DPP10: variants seen among roughly 807,000 people sequenced by gnomAD.
The protein encoded by DPP10 is inactive dipeptidyl peptidase 10.
DPP10 carries 33 observed loss-of-function variants against 120.9 expected under a neutral mutation model. That is an observed-to-expected ratio of 0.27 (90% CI 0.21 to 0.37). The LOEUF is 0.37. Among genes scored for constraint, DPP10 ranks in the 10% least tolerant of loss-of-function variants. DPP10 has a pLI of 1.00. For missense variants in DPP10, 816 were observed against 942.8 expected (o/e 0.87, Z 1.76); for synonymous variants, 337 against 326.1 (o/e 1.03, Z -0.36).
At chr2:114,755,356 C>T (rs1679629555) in intron 1 of DPP10, among the ~76,000 whole-genome samples, 1 of 152,152 alleles carries the variant, frequency 6.6e-6, no homozygotes, top group Non-Finnish European at 1.5e-5. Context: ...TGCAATGGCA[C>T]AATCATGGCT....
At chr2:115,830,887 T>C (rs1688849131) in intron 21 of DPP10, among the ~76,000 whole-genome samples, 1 of 152,106 alleles carries the variant, frequency 6.6e-6, no homozygotes, top group Admixed American at 6.5e-5. Flanking sequence ...GGGAGGTAAT[T>C]ATTTGTTATG....
intron 19 of DPP10, among the ~76,000 whole-genome samples, chr2:115,793,518 C>A (rs1316094884): frequency 6.6e-6 from 1 of 151,632 alleles, no homozygotes; most frequent in Non-Finnish European, 1.5e-5. Flanking sequence ...TGCTTTTCTG[C>A]CAACCTAATA....
At chr2:115,524,718 G>A (rs1268924731) in intron 4 of DPP10, among the ~76,000 whole-genome samples, 1 of 152,054 alleles carries the variant, frequency 6.6e-6, no homozygotes, top group Non-Finnish European at 1.5e-5. Context: ...ATAAGCTAAC[G>A]CCTCCCCTCA....
chr2:115,136,932 A>G (rs991306906), intron 1 of DPP10, among the ~76,000 whole-genome samples: 1 of 152,196 alleles, frequency 6.6e-6, no homozygotes, highest in South Asian at 2.1e-4. Flanking sequence ...TGTAGACTAC[A>G]TTAGTTCTCC....
chr2:114,605,002 A>G (rs1692672369), intron 1 of DPP10, among the ~76,000 whole-genome samples: 1 of 152,144 alleles, frequency 6.6e-6, no homozygotes, highest in Non-Finnish European at 1.5e-5. Flanking sequence ...CTTCTGTTGA[A>G]TCAAATTAAT....
chr2:114,772,027 T>C (rs914984784), intron 1 of DPP10, among the ~76,000 whole-genome samples: 1 of 152,076 alleles, frequency 6.6e-6, no homozygotes, highest in Non-Finnish European at 1.5e-5. Flanking sequence ...ATAATCTTTT[T>C]CCACAGTTAT....
chr2:115,320,356 A>G (rs1321278279), intron 2 of DPP10, among the ~76,000 whole-genome samples: 2 of 152,148 alleles, frequency 1.3e-5, no homozygotes, highest in African/African-American at 4.8e-5. Flanking sequence ...ATTTCTTAAA[A>G]TGAAGTAATT....
At chr2:115,600,905 C>T (rs140791778) in intron 5 of DPP10, among the ~76,000 whole-genome samples, 31 of 152,318 alleles carry the variant, frequency 2.0e-4, no homozygotes, top group Middle Eastern at 3.4e-3. Flanking sequence ...CACAAATTCA[C>T]ATTTCTTTCC....
At chr2:114,782,719 G>T (rs576497680) in intron 1 of DPP10, among the ~76,000 whole-genome samples, 1 of 152,174 alleles carries the variant, frequency 6.6e-6, no homozygotes, top group Non-Finnish European at 1.5e-5. Context: ...GACTATAGTT[G>T]CATTTTATGT....
chr2:115,560,641 G>A (rs186891146), intron 5 of DPP10, among the ~76,000 whole-genome samples: 40 of 150,474 alleles, frequency 2.7e-4, no homozygotes, highest in Admixed American at 2.0e-3. Context: ...CTGAGACAGG[G>A]TCTCCTTCTC....
intron 1 of DPP10, among the ~76,000 whole-genome samples, chr2:114,993,564 A>ATG (rs67544881): frequency 2.1e-4 from 24 of 115,624 alleles, no homozygotes; most frequent in African/African-American, 5.1e-4. Flanking sequence ...GATTCTTATT[A>ATG]TGTGTGTGTG....
At chr2:114,957,393 C>T in intron 1 of DPP10, among the ~76,000 whole-genome samples, 1 of 151,934 alleles carries the variant, frequency 6.6e-6, no homozygotes, top group East Asian at 1.9e-4. Context: ...ATCAAAACCG[C>T]AATGAGATAT....
intron 1 of DPP10, among the ~76,000 whole-genome samples, chr2:115,086,559 C>A (rs1021507178): frequency 6.0e-5 from 9 of 150,928 alleles, no homozygotes; most frequent in African/African-American, 2.2e-4. Flanking sequence ...CGGGTTCACA[C>A]CATTCTCCTG....
At chr2:115,369,560 A>G (rs546831268) in intron 3 of DPP10, among the ~76,000 whole-genome samples, 1 of 152,098 alleles carries the variant, frequency 6.6e-6, no homozygotes, top group Non-Finnish European at 1.5e-5. Flanking sequence ...GCTGTGGGCA[A>G]ATATTTCCAG....
At chr2:114,626,341 T>C (rs757107312) in intron 1 of DPP10, among the ~76,000 whole-genome samples, 29 of 152,192 alleles carry the variant, frequency 1.9e-4, no homozygotes, top group South Asian at 6.2e-4. Flanking sequence ...CTTCCTTCTA[T>C]AGTAATTCCA....
chr2:115,446,293 C>T (rs2072579129), intron 3 of DPP10, among the ~76,000 whole-genome samples: 1 of 152,166 alleles, frequency 6.6e-6, no homozygotes, highest in African/African-American at 2.4e-5. Context: ...CATGGAAAAC[C>T]TCTGCTAGGG....
intron 1 of DPP10, among the ~76,000 whole-genome samples, chr2:115,186,118 A>G (rs1224369797): frequency 6.6e-6 from 1 of 152,214 alleles, no homozygotes; most frequent in East Asian, 1.9e-4. Context: ...GTGAGTGGAA[A>G]TAAGTTCTTT....
intron 1 of DPP10, among the ~76,000 whole-genome samples, chr2:114,523,378 C>T (rs1012117629): frequency 6.6e-6 from 1 of 152,152 alleles, no homozygotes; most frequent in Non-Finnish European, 1.5e-5. Flanking sequence ...AAAGAGACAG[C>T]TGGGGGCTTT....
intron 3 of DPP10, among the ~76,000 whole-genome samples, chr2:115,477,242 G>T (rs558354339): frequency 5.5e-4 from 84 of 152,182 alleles, no homozygotes; most frequent in African/African-American, 2.0e-3. Context: ...GTTTACACAT[G>T]ATGTGGTCTT....
Sources: allele counts gnomAD v4.1 joint callset (sites outside exome capture counted in the v4.1 genomes callset), GRCh38; gene constraint gnomAD v4.1.1; transcripts MANE v1.5; gene names NCBI Gene and HGNC (gene_info 2026-07-23, HGNC 2026-07-21).